The following HERC6 variants were observed in gnomAD, a reference collection of about 807,000 sequenced individuals.
HERC6 encodes HECT and RLD domain containing E3 ubiquitin protein ligase family member 6.
Under a neutral mutation model 114.5 loss-of-function variants are expected in HERC6, and 101 were observed. The observed-to-expected ratio is 0.88, with a 90% confidence interval of 0.75 to 1.04. The LOEUF (loss-of-function observed/expected upper bound fraction) is 1.04, where lower values mean the gene tolerates loss of function less well. Ranked by LOEUF, HERC6 falls within the 50% of genes least tolerant of loss-of-function variation. The pLI, the probability that HERC6 is intolerant of heterozygous loss-of-function variation, is 0.00. For missense variants in HERC6, 1,133 were observed against 1,230.9 expected (o/e 0.92, Z 1.19); for synonymous variants, 408 against 436.2 (o/e 0.94, Z 0.81).
At chr4:88,381,554 C>CTTTTTTTT (rs142058374) in intron 1 of HERC6, among the ~76,000 whole-genome samples, 3 of 95,830 alleles carry the variant, frequency 3.1e-5, no homozygotes, top group African/African-American at 4.4e-5. Flanking sequence ...CCCTTCTCTT[C>CTTTTTTTT]TTTTTTTTTT....
At chr4:88,441,193 C>T (rs948104932) in intron 22 of HERC6, among the ~76,000 whole-genome samples, 10 of 152,168 alleles carry the variant, frequency 6.6e-5, no homozygotes, top group Admixed American at 1.3e-4. Flanking sequence ...CTATGATGTT[C>T]GAATGATGCC....
chr4:88,414,208 A>G (rs1736295659), intron 12 of HERC6, among the ~76,000 whole-genome samples: 1 of 152,106 alleles, frequency 6.6e-6, no homozygotes, highest in African/African-American at 2.4e-5. Context: ...ATTGTGGCTT[A>G]CACCTTAATC....
chr4:88,435,260 A>G (rs757411943), intron 17 of HERC6, among the ~76,000 whole-genome samples: 9 of 151,678 alleles, frequency 5.9e-5, no homozygotes, highest in Non-Finnish European at 8.8e-5. Context: ...TCCCTGACCC[A>G]TATGCTCATC....
At chr4:88,418,592 T>A (rs1408733119) in intron 13 of HERC6, among the ~76,000 whole-genome samples, 1 of 152,222 alleles carries the variant, frequency 6.6e-6, no homozygotes, top group Non-Finnish European at 1.5e-5. Flanking sequence ...GTTTGGGTTC[T>A]CAGGGACACC....
intron 8 of HERC6, among the ~76,000 whole-genome samples, chr4:88,403,883 G>A (rs1422521011): frequency 6.6e-6 from 1 of 152,038 alleles, no homozygotes; most frequent in Non-Finnish European, 1.5e-5. Context: ...ATCATTTTAA[G>A]TATACAATTT....
intron 4 of HERC6, among the ~76,000 whole-genome samples, chr4:88,393,184 CT>C (rs1735010962): frequency 6.6e-6 from 1 of 152,130 alleles, no homozygotes. Context: ...TGAAGGAGCA[CT>C]TCTTTTTTTC....
At position 88,396,075 on chromosome 4, in the gene HERC6, C is replaced by G. The variant is rs1200603848; in HGVS notation, c.820C>G (p.Pro274Ala). 6.2e-7 allele frequency: 1 copy of G among 1,609,210 alleles called. No homozygotes were observed. The highest frequency in any genetic ancestry group is 1.3e-5 in the African/African-American group (1 of 74,770). Residue 274 changes from proline (P) to alanine (A), a missense_variant, in exon 6 of 23, where the codon CCT becomes GCT. Pro to Ala is a conservative substitution (Grantham distance 27). Transcript: ENST00000264346. ...TGGACAGCTGGGATACAGCCCCACT[C>G]CTGAGAAGAGAGGTCCACAACTTGT... ...RSGQLGYSPTPEKRGPQLVER... is the reference protein window; with the variant it reads ...RSGQLGYSPTAEKRGPQLVER...
intron 15 of HERC6, among the ~76,000 whole-genome samples, chr4:88,425,129 A>T (rs1175232971): frequency 6.6e-6 from 1 of 152,216 alleles, no homozygotes; most frequent in Non-Finnish European, 1.5e-5. Flanking sequence ...TTTCCTTATC[A>T]GTCAGGGCAC....
Position 88,413,134 on chromosome 4 carries a change from C to G in HERC6, c.1426C>G (p.Gln476Glu). 6.2e-7 allele frequency: 1 copy of G among 1,613,456 alleles called. No individual in the cohort carries two copies. The highest frequency in any genetic ancestry group is 8.5e-7 in the Non-Finnish European group (1 of 1,179,520). ...AGCTCTTCCATGCCATTCTCCACAC[C>G]AAGAAGCTTTATCAGTTTTCCTCCT... is the stretch of plus-strand genomic sequence containing the variant. ...LRALPCHSPH[Q>E]EALSVFLLLP... is the part of the protein sequence containing the mutation. Residue 476 changes from glutamine (Q) to glutamate (E), a missense_variant, in exon 12 of 23, where the codon CAA (glutamine) becomes GAA (glutamate). Around this residue, in one of 3 missense-constraint regions of HERC6, gnomAD observed 735 missense variants for 754.0 expected, o/e 0.97. Coordinates refer to ENST00000264346, the MANE Select transcript of HERC6 (RefSeq NM_017912.4).
chr4:88,433,073 G>A (rs1448317165), intron 17 of HERC6, among the ~76,000 whole-genome samples: 9 of 152,152 alleles, frequency 5.9e-5, no homozygotes, highest in Non-Finnish European at 1.3e-4. Context: ...GGGTGACAGA[G>A]CGAGACTCCA....
At chr4:88,392,957 G>T (rs1237544748) in intron 4 of HERC6, among the ~76,000 whole-genome samples, 1 of 152,122 alleles carries the variant, frequency 6.6e-6, no homozygotes, top group Non-Finnish European at 1.5e-5. Flanking sequence ...CCCCAGATAT[G>T]CCCATGGCCT....
chr4:88,393,802 A>C (rs2148879155), intron 5 of HERC6, among the ~76,000 whole-genome samples: 1 of 152,308 alleles, frequency 6.6e-6, no homozygotes, highest in Admixed American at 6.5e-5. Context: ...ATGTCTGATG[A>C]GGGCCAAACT....
chr4:88,430,416 A>T (rs1738066682), intron 16 of HERC6, among the ~76,000 whole-genome samples: 1 of 151,752 alleles, frequency 6.6e-6, no homozygotes, highest in African/African-American at 2.4e-5. Context: ...CCAAAAATAC[A>T]AAAACTAGCT....
chr4:88,438,393 G>C (rs1738985042), intron 20 of HERC6, among the ~76,000 whole-genome samples: 1 of 152,102 alleles, frequency 6.6e-6, no homozygotes, highest in South Asian at 2.1e-4. Flanking sequence ...GGGGCAGAAA[G>C]ACAATACACA....
At chr4:88,414,052 A>T (rs1439388312) in intron 12 of HERC6, among the ~76,000 whole-genome samples, 1 of 152,158 alleles carries the variant, frequency 6.6e-6, no homozygotes, top group African/African-American at 2.4e-5. Flanking sequence ...GTCTTAAGGT[A>T]GATAAGGGAG....
At chr4:88,421,963 T>C (rs1423077180) in intron 13 of HERC6, among the ~76,000 whole-genome samples, 3 of 152,218 alleles carry the variant, frequency 2.0e-5, no homozygotes, top group Non-Finnish European at 4.4e-5. Context: ...TTATTAGTCT[T>C]TTTATTATTG....
chr4:88,387,261 G>C (rs1734631378), intron 3 of HERC6, among the ~76,000 whole-genome samples: 1 of 152,172 alleles, frequency 6.6e-6, no homozygotes, highest in Admixed American at 6.5e-5. Context: ...GCTGGGCATG[G>C]TGGTATGCAC....
At chr4:88,407,102 G>A (rs1735848663) in intron 10 of HERC6, among the ~76,000 whole-genome samples, 1 of 149,868 alleles carries the variant, frequency 6.7e-6, no homozygotes, top group Admixed American at 6.6e-5. Flanking sequence ...TTTTGAGACA[G>A]GGTCTCACTC....
Position 88,442,632 on chromosome 4 carries a change from CTG to C in HERC6, c.*173_*174del, listed in dbSNP as rs1359033966. The C allele has an allele frequency of 1.6e-6, 1 of 629,908 alleles. No homozygotes were observed. The highest frequency in any genetic ancestry group is 1.8e-5 in the African/African-American group (1 of 54,406). 39.0% of individuals were successfully genotyped at this position (629,908 alleles called of 1,614,324 possible). On this transcript the variant is annotated 3_prime_UTR_variant, in exon 23 of 23. Transcript: ENST00000264346. ...AAAGGGTGCAAAATCTCACACAAGA[CTG>C]AGGCAGGAGAATAGGGTACAGAGAT...
Sources: allele counts gnomAD v4.1 joint callset (sites outside exome capture counted in the v4.1 genomes callset), GRCh38; gene constraint gnomAD v4.1.1; regional missense constraint gnomAD v4.1.1; transcripts MANE v1.5; gene names NCBI Gene and HGNC (gene_info 2026-07-23, HGNC 2026-07-21).